The following HEMGN variants were observed in gnomAD, a reference collection of about 807,000 sequenced individuals.
HEMGN encodes the protein erythroid differentiation-associated gene protein.
HEMGN carries 32 observed loss-of-function variants against 45.7 expected under a neutral mutation model. That is an observed-to-expected ratio of 0.70 (90% confidence interval 0.53 to 0.94). The LOEUF (loss-of-function observed/expected upper bound fraction) is 0.94, where lower values mean the gene tolerates loss of function less well. HEMGN is among the 40% of genes least tolerant of loss of function. HEMGN has a pLI of 0.00. For missense variants in HEMGN, 530 were observed against 564.2 expected (o/e 0.94, Z 0.61); for synonymous variants, 183 against 178.6 (o/e 1.02, Z -0.20).
At chr9:97,936,346 C>A in intron 1 of HEMGN, 82 bp from the exon 2 acceptor site, 1 of 916,320 alleles carries the variant, frequency 1.1e-6, no homozygotes, top group South Asian at 1.3e-5. Flanking sequence ...GTGGCAGAGT[C>A]TCTGTTCTAG....
exon 1 of HEMGN, chr9:97,944,849 G>T (rs1827198925): frequency 6.6e-6 from 1 of 152,146 alleles, no homozygotes. Flanking sequence ...TCTGTCATAT[G>T]TCTGCCGATC....
rs761510736 is a variant in HEMGN at position 97,930,785 on chromosome 9, T to A, written c.610A>T (p.Thr204Ser). ...MKEPEDNSPN[T>S]CQVISVIQDH... is the part of the protein sequence containing the mutation. ...TGAATTACAGATATTACTTGGCATG[T>A]GTTAGGAGAGTTGTCTTCAGGTTCC... The change falls in exon 3 of 4, where the codon ACA becomes TCA. Residue 204 changes from threonine to serine, a missense_variant. By Grantham distance (58) the Thr-to-Ser change is moderately conservative (BLOSUM62 1). Transcript: ENST00000616898. 5 of 1,614,074 alleles carry A rather than the reference T, an allele frequency of 3.1e-6. No individual in the cohort carries two copies. The Admixed American group carries it at 6.7e-5, about 22-fold the overall frequency.
In HEMGN at chr9:97,931,535, A is replaced by G. The variant is rs530188056; in HGVS notation, c.174-314T>C. ...TATAGCATATTCTTAAAGTTTTGTT[A>G]TGGAAAATAAATAATTCTCATTACA... On this transcript the variant is annotated intron_variant, in intron 2 of 3. Transcript: ENST00000616898. Among the ~76,000 whole-genome samples, 10 of 152,314 alleles carry G rather than the reference A, an allele frequency of 6.6e-5. 1 individual carries two copies. The South Asian group carries it at 2.1e-3, about 32-fold the overall frequency.
At chr9:97,928,486 T>G (rs1826875709) in intron 3 of HEMGN, among the ~76,000 whole-genome samples, 1 of 152,204 alleles carries the variant, frequency 6.6e-6, no homozygotes, top group African/African-American at 2.4e-5. Flanking sequence ...ACTTTAAATT[T>G]GGGTACCGTT....
intron 3 of HEMGN, 85 bp downstream of exon 3, chr9:97,929,948 CAG>C (rs1343425900): frequency 2.1e-6 from 2 of 933,838 alleles, no homozygotes; most frequent in Non-Finnish European, 3.3e-6. Context: ...ATTGAAATAA[CAG>C]GGAATACCCA....
chr9:97,931,064 G>T lies in HEMGN; in HGVS notation c.331C>A (p.Pro111Thr). ...LAPIEKKTEP[P>T]GSITKVFPSV... Reference sequence around the variant, plus strand: ...GGAAATACTTTGGTTATGCTCCCAGGTGGCTCAGTTTTTTTCTCTATAGGT... The same window carrying T: ...GGAAATACTTTGGTTATGCTCCCAGTTGGCTCAGTTTTTTTCTCTATAGGT... Residue 111 changes from proline to threonine, a missense_variant, in exon 3 of 4, where the codon CCT becomes ACT. Pro to Thr is a conservative substitution (Grantham distance 38). Coordinates refer to ENST00000616898, the MANE Select transcript of HEMGN (RefSeq NM_197978.3). The T allele has an allele frequency of 1.2e-6, 2 of 1,614,072 alleles. No individual in the cohort carries two copies. The highest frequency in any genetic ancestry group is 8.5e-7 in the Non-Finnish European group (1 of 1,180,032).
At chr9:97,940,443 A>T (rs570406177), upstream of HEMGN, among the ~76,000 whole-genome samples, 17 of 152,174 alleles carry the variant, frequency 1.1e-4, no homozygotes, top group African/African-American at 3.9e-4. Context: ...TATTGGGTGG[A>T]GGAGGCCAGT....
rs1450038969 is a variant in HEMGN, at chr9:97,928,023, G to GTTT, written c.1361-546_1361-545insAAA. On this transcript the variant is annotated intron_variant, in intron 3 of 3. Transcript: ENST00000616898. ...CTCAGCCTTTTGGCTAAGATCAAGT[G>GTTT]TATTTTTTTTTTTTTTTTTTTGAGC... Among the ~76,000 whole-genome samples, 11 of 144,350 alleles carry GTTT rather than the reference G, an allele frequency of 7.6e-5. 1 individual carries two copies. The highest frequency in any genetic ancestry group is 2.8e-4 in the African/African-American group (11 of 39,410). 94.7% of individuals were successfully genotyped at this position (144,350 alleles called of 152,430 possible).
At chr9:97,929,895 A>G (rs1468902395) in intron 3 of HEMGN, 140 bp downstream of exon 3, 2 of 692,954 alleles carry the variant, frequency 2.9e-6, no homozygotes, top group East Asian at 5.1e-5. Context: ...GTTGCATGAA[A>G]ATATTGTTCA....
chr9:97,930,713 G>T lies in HEMGN; in HGVS notation c.682C>A (p.Leu228Met). The change falls in exon 3 of 4, where the codon CTG becomes ATG. Residue 228 changes from leucine (L) to methionine (M), a missense_variant. Leu to Met is a conservative substitution (Grantham distance 15). Transcript: ENST00000616898. ...MYQDMAKRED[L>M]APKMCQEAAV... Reference sequence around the variant, plus strand: ...GCTTCTTGGCACATTTTAGGAGCCAGATCTTCTCGTTTAGCCATATCTTGG... The same window carrying T: ...GCTTCTTGGCACATTTTAGGAGCCATATCTTCTCGTTTAGCCATATCTTGG... 6.2e-7 allele frequency: 1 copy of T among 1,614,202 alleles called. No homozygotes were observed. The highest frequency in any genetic ancestry group is 8.5e-7 in the Non-Finnish European group (1 of 1,180,032).
intron 2 of HEMGN, 97 bp downstream of exon 2, chr9:97,936,074 A>G: frequency 1.2e-6 from 1 of 809,320 alleles, no homozygotes; most frequent in Non-Finnish European, 2.1e-6. Flanking sequence ...GGATTGTTGG[A>G]AAGATAAAAT....
chr9:97,932,255 C>A (rs1266158702), intron 2 of HEMGN, among the ~76,000 whole-genome samples: 2 of 152,056 alleles, frequency 1.3e-5, no homozygotes, highest in Non-Finnish European at 2.9e-5. Context: ...GAGATAAAAA[C>A]CAGTGTTTTT....
rs542304512 is a variant in HEMGN, at chr9:97,932,677, G to A, written c.174-1456C>T. Among the ~76,000 whole-genome samples the A allele has an allele frequency of 9.2e-5, 14 of 151,896 alleles. No homozygotes were observed. In the South Asian group the frequency reaches 2.7e-3, roughly 29 times the overall value. On this transcript the variant is annotated intron_variant, in intron 2 of 3. Coordinates refer to ENST00000616898, the MANE Select transcript of HEMGN (RefSeq NM_197978.3). ...AAATTAGCCAGGCATGGTGGTGCGC[G>A]TCTGTAATCCCAGCTACTTGGGAGG...
chr9:97,928,654 A>G (rs924350917), intron 3 of HEMGN, among the ~76,000 whole-genome samples: 1 of 152,234 alleles, frequency 6.6e-6, no homozygotes, highest in Non-Finnish European at 1.5e-5. Context: ...AATATTTAAT[A>G]TGGTGTCTGG....
Position 97,927,255 on chromosome 9 carries a change from A to C in HEMGN, c.*129T>G, listed in dbSNP as rs990713428. On this transcript the variant is annotated 3_prime_UTR_variant, in exon 4 of 4. Coordinates refer to ENST00000616898, the MANE Select transcript of HEMGN (RefSeq NM_197978.3). ...CCTTAAAAAATGTTATTTCTTTCAG[A>C]TATGGTCTACAAATAGAAAAAATAA... is the stretch of plus-strand genomic sequence containing the variant. The C allele has an allele frequency of 2.2e-5, 13 of 579,226 alleles. No homozygotes were observed. In the African/African-American group the frequency reaches 2.4e-4, roughly 11 times the overall value. 35.9% of individuals were successfully genotyped at this position (579,226 alleles called of 1,614,324 possible).
chr9:97,935,884 C>T (rs553668757), intron 2 of HEMGN, among the ~76,000 whole-genome samples: 6 of 152,272 alleles, frequency 3.9e-5, no homozygotes, highest in East Asian at 3.9e-4. Flanking sequence ...AGGAGCTAAA[C>T]GCCAGGCTTC....
intron 3 of HEMGN, among the ~76,000 whole-genome samples, 195 bp from the exon 4 acceptor site, chr9:97,927,673 A>T (rs764972198): frequency 1.3e-5 from 2 of 152,204 alleles, no homozygotes; most frequent in Admixed American, 6.5e-5. Flanking sequence ...GAACACAGAG[A>T]CCAGAAACCA....
At position 97,930,330 on chromosome 9, in the gene HEMGN, T is replaced by A; in HGVS notation, c.1065A>T (p.Glu355Asp). Residue 355 changes from glutamate (E) to aspartate (D), a missense_variant, in exon 3 of 4, where the codon GAA becomes GAT. Physicochemically the swap from Glu to Asp is conservative, Grantham distance 45. Transcript: ENST00000616898. ...ETPHSEDYSI[E>D]INQETPGSEK... is the part of the protein sequence containing the mutation. ...CAGACCCAGGAGTTTCTTGGTTTAT[T>A]TCAATTGAATAGTCTTCAGAATGAG... 1 of 1,613,706 alleles carries A rather than the reference T, an allele frequency of 6.2e-7. No individual in the cohort carries two copies. The highest frequency in any genetic ancestry group is 8.5e-7 in the Non-Finnish European group (1 of 1,179,942).
upstream of HEMGN, chr9:97,938,182 AG>A: frequency 8.2e-7 from 1 of 1,217,040 alleles, no homozygotes; most frequent in Non-Finnish European, 1.2e-6. Context: ...TTCCACAAGC[AG>A]CCTAGATGCT....
Sources: allele counts gnomAD v4.1 joint callset (sites outside exome capture counted in the v4.1 genomes callset), GRCh38; gene constraint gnomAD v4.1.1; transcripts MANE v1.5; gene names NCBI Gene and HGNC (gene_info 2026-07-23, HGNC 2026-07-21).